The following SVIL variants were observed in gnomAD, a reference collection of about 807,000 sequenced individuals.
The protein encoded by SVIL is supervillin.
SVIL carries 101 observed loss-of-function variants against 240.4 expected under a neutral mutation model. The ratio of observed to expected loss-of-function variants is 0.42; its 90% CI spans 0.36 to 0.50. SVIL has a LOEUF of 0.50. Ranked by LOEUF, SVIL falls within the 20% of genes least tolerant of loss-of-function variation. SVIL has a pLI of 0.01. For synonymous variants in SVIL, 999 were observed against 1,100.0 expected (o/e 0.91, Z 1.82); for missense variants, 2,512 against 2,818.7 (o/e 0.89, Z 2.46).
At chr10:29,656,702 C>G (rs1307681437) in intron 3 of SVIL, among the ~76,000 whole-genome samples, 1 of 152,150 alleles carries the variant, frequency 6.6e-6, no homozygotes, top group African/African-American at 2.4e-5. Context: ...GATTACATTT[C>G]TTCCCTGCTA....
In SVIL at chr10:29,480,418, C is replaced by T. The variant is rs1338279279; in HGVS notation, c.5377+119G>A. ...GGTGGCTCTCAAAGGCGCATGACTG[C>T]AGTGCCCCACTGCACGGACGCAGCA... On this transcript the variant is annotated intron_variant, in intron 29 of 37. Transcript: ENST00000355867. 10 of 1,284,906 alleles carry T rather than the reference C, an allele frequency of 7.8e-6. No homozygotes were observed. In the Admixed American group the frequency reaches 2.1e-4, roughly 27 times the overall value. 79.6% of individuals were successfully genotyped at this position (1,284,906 alleles called of 1,614,324 possible).
intron 2 of SVIL, 99 bp downstream of exon 2, chr10:29,569,156 C>T (rs1392381654): frequency 4.1e-6 from 2 of 487,874 alleles, no homozygotes; most frequent in Admixed American, 1.3e-4. Context: ...AACATATTGC[C>T]AAACATTTAA....
intron 17 of SVIL, among the ~76,000 whole-genome samples, chr10:29,509,330 GGAGAGA>G (rs66616602): frequency 0.023 from 1,544 of 66,816 alleles, 36 homozygotes; most frequent in Admixed American, 0.067. Context: ...GGAGGGGGAG[GGAGAGA>G]GAGAGAGAGA....
intron 1 of SVIL, among the ~76,000 whole-genome samples, chr10:29,621,475 G>A (rs11007672): frequency 0.014 from 2,204 of 152,368 alleles, 59 homozygotes; most frequent in African/African-American, 0.051. Flanking sequence ...ACCCCGCAGC[G>A]GGCCAAGCCC....
At position 29,476,121 on chromosome 10, in the gene SVIL, C is replaced by T. The variant is rs1299154013; in HGVS notation, c.5378-2132G>A. Among the ~76,000 whole-genome samples, 8 of 152,268 alleles carry T rather than the reference C, an allele frequency of 5.3e-5. No individual in the cohort carries two copies. In the South Asian group the frequency reaches 1.5e-3, roughly 28 times the overall value. On this transcript the variant is annotated intron_variant, in intron 29 of 37. Coordinates refer to ENST00000355867, the MANE Select transcript of SVIL (RefSeq NM_021738.3). ...AACCATCAATGACTAGATTATAAATCCCACAATTAATTTGGAAGCCACTTA... is the reference window on the plus strand; with the variant it reads ...AACCATCAATGACTAGATTATAAATTCCACAATTAATTTGGAAGCCACTTA...
intron 1 of SVIL, among the ~76,000 whole-genome samples, chr10:29,725,705 C>T (rs1029754387): frequency 1.3e-5 from 2 of 152,142 alleles, no homozygotes; most frequent in African/African-American, 4.8e-5. Context: ...GGCTCTGGGG[C>T]TCAGTCAGGC....
rs151196345 is a variant in SVIL, at chr10:29,465,692, A to G, written c.6036T>C (p.Asp2012=). 13 of 1,613,286 alleles carry G rather than the reference A, an allele frequency of 8.1e-6. No homozygotes were observed. Among genetic ancestry groups the G allele is most frequent in the Non-Finnish European group, 1.1e-5 (13 of 1,179,984 alleles). The stretch of plus-strand genomic sequence containing the variant: ...GGTACACAAACTCTGTGGCTGCAAA[A>G]TCCCCAGAGGAGCTGCTGAGGATGA... ...RLFILSSSSG[D]FAATEFVYPA... The change falls in exon 34 of 38, where the codon GAT becomes GAC. Residue 2012 remains aspartate, a synonymous_variant. Coordinates refer to ENST00000355867, the MANE Select transcript of SVIL (RefSeq NM_021738.3).
At chr10:29,587,867 C>A (rs535382318) in intron 1 of SVIL, among the ~76,000 whole-genome samples, 1 of 152,152 alleles carries the variant, frequency 6.6e-6, no homozygotes, top group Non-Finnish European at 1.5e-5. Flanking sequence ...GAAAAGTGGA[C>A]GTCTGTATTT....
At chr10:29,715,110 G>A (rs987508964) in intron 1 of SVIL, among the ~76,000 whole-genome samples, 1 of 151,908 alleles carries the variant, frequency 6.6e-6, no homozygotes, top group African/African-American at 2.4e-5. Context: ...CAAAGAAAAC[G>A]GTCAGAATAT....
At chr10:29,682,872 G>C (rs1381244693) in intron 2 of SVIL, among the ~76,000 whole-genome samples, 2 of 152,198 alleles carry the variant, frequency 1.3e-5, no homozygotes, top group African/African-American at 4.8e-5. Flanking sequence ...AAGGGAGGCA[G>C]AAACTAAGGG....
At position 29,511,202 on chromosome 10, in the gene SVIL, C is replaced by T. The variant is rs114930371; in HGVS notation, c.3516+1533G>A. ...CTTGCCTTCTAAAAACCTTAGCCAG[C>T]GTTCAGGTGGTTCGGATCTCATCCT... On this transcript the variant is annotated intron_variant, in intron 17 of 37. Transcript: ENST00000355867. Among the ~76,000 whole-genome samples the T allele has an allele frequency of 5.3e-3, 717 of 136,358 alleles. 39 individuals are homozygous for T. Among genetic ancestry groups the T allele is most frequent in the African/African-American group, 0.019 (673 of 34,988 alleles). 89.5% of individuals were successfully genotyped at this position (136,358 alleles called of 152,430 possible). A position where few individuals can be genotyped will look rare whatever the true frequency, so the allele number is the denominator to read the frequency against.
intron 14 of SVIL, among the ~76,000 whole-genome samples, 157 bp from the exon 15 acceptor site, chr10:29,524,184 T>C (rs1233834327): frequency 6.6e-6 from 1 of 152,180 alleles, no homozygotes; most frequent in African/African-American, 2.4e-5. Context: ...ATATAATACG[T>C]CTCATTAAAC....
chr10:29,477,687 C>T (rs1369493972), intron 29 of SVIL, among the ~76,000 whole-genome samples: 3 of 152,202 alleles, frequency 2.0e-5, no homozygotes, highest in Non-Finnish European at 4.4e-5. Context: ...GGCTGTGCTT[C>T]CCCCCTGCTG....
chr10:29,613,373 C>T (rs969856709), intron 1 of SVIL, among the ~76,000 whole-genome samples: 2 of 152,132 alleles, frequency 1.3e-5, no homozygotes, highest in South Asian at 4.2e-4. Context: ...TGCTCTGTTG[C>T]TCAGGCCGGA....
At chr10:29,535,536 G>C (rs1021668766) in intron 7 of SVIL, among the ~76,000 whole-genome samples, 2 of 152,176 alleles carry the variant, frequency 1.3e-5, no homozygotes, top group African/African-American at 4.8e-5. Flanking sequence ...AAATTTAACT[G>C]TTGAAAATTA....
intron 2 of SVIL, among the ~76,000 whole-genome samples, chr10:29,567,260 C>T (rs35912380): frequency 0.066 from 10,045 of 152,296 alleles, 382 homozygotes; most frequent in Admixed American, 0.12. Context: ...GAGCAGGATG[C>T]TCCGCTGTTA....
intron 1 of SVIL, among the ~76,000 whole-genome samples, chr10:29,604,363 C>CTTTTTTTTTT (rs71525560): frequency 3.6e-4 from 14 of 38,422 alleles, no homozygotes; most frequent in Non-Finnish European, 5.7e-4. Flanking sequence ...CCATGTCTGG[C>CTTTTTTTTTT]TTTTTTTTTT....
chr10:29,639,240 T>C (rs374142261), upstream of SVIL, among the ~76,000 whole-genome samples: 33 of 152,290 alleles, frequency 2.2e-4, no homozygotes, highest in African/African-American at 7.5e-4. Flanking sequence ...GGCGCGATCT[T>C]GGCTCACTGC....
chr10:29,479,041 G>C lies in SVIL; in HGVS notation c.5377+1496C>G, dbSNP rs184716480. On this transcript the variant is annotated intron_variant, in intron 29 of 37. Transcript: ENST00000355867. Reference sequence around the variant, plus strand: ...TGGAAGGAGAGGCTGGAGCTGCCTGGGCCCTGGAAGATCCCCTTCCTGCTG... The same window carrying C: ...TGGAAGGAGAGGCTGGAGCTGCCTGCGCCCTGGAAGATCCCCTTCCTGCTG... 3.2e-3 allele frequency among the ~76,000 whole-genome samples: 491 copies of C among 152,106 alleles called. 2 individuals are homozygous for C. The highest frequency in any genetic ancestry group is 0.011 in the African/African-American group (454 of 41,514).
Sources: allele counts gnomAD v4.1 joint callset (sites outside exome capture counted in the v4.1 genomes callset), GRCh38; gene constraint gnomAD v4.1.1; transcripts MANE v1.5; gene names NCBI Gene and HGNC (gene_info 2026-07-23, HGNC 2026-07-21).